The following CPM variants were observed in gnomAD, a reference collection of about 807,000 sequenced individuals.
CPM encodes carboxypeptidase M.
Under a neutral mutation model 46.4 loss-of-function variants are expected in CPM, and 35 were observed. The observed-to-expected ratio is 0.75, with a 90% confidence interval of 0.58 to 1.00. CPM has a LOEUF of 1.00. Ranked by LOEUF, CPM falls within the 50% of genes least tolerant of loss-of-function variation. CPM has a pLI of 0.00. For missense variants in CPM, 422 were observed against 530.4 expected, an observed-to-expected ratio of 0.80 and a Z score of 2.01; for synonymous variants, 195 against 195.3, an observed-to-expected ratio of 1.00 and a Z score of 0.01.
chr12:68,850,404 CTGTT>C (rs1335203143), downstream of CPM: 1 of 152,064 alleles, frequency 6.6e-6, no homozygotes, highest in Non-Finnish European at 1.5e-5. Context: ...AAACTATTTC[CTGTT>C]TATTTTCTAA....
intron 7 of CPM, among the ~76,000 whole-genome samples, chr12:68,860,250 A>G (rs1885150025): frequency 6.6e-6 from 1 of 151,996 alleles, no homozygotes; most frequent in Admixed American, 6.6e-5. Context: ...CCCTTTCTCT[A>G]TACAACTGTG....
chr12:68,963,002 CGTG>C (rs1565813126), intron 1 of CPM, among the ~76,000 whole-genome samples: 1 of 152,238 alleles, frequency 6.6e-6, no homozygotes, highest in African/African-American at 2.4e-5. Flanking sequence ...AAAACAAAGT[CGTG>C]GCCTGACCAC....
intron 2 of CPM, among the ~76,000 whole-genome samples, chr12:68,902,859 C>CT: frequency 6.6e-6 from 1 of 152,058 alleles, no homozygotes; most frequent in Non-Finnish European, 1.5e-5. Flanking sequence ...TGATGTTTAC[C>CT]TTTTTTAGAA....
chr12:68,914,080 G>C (rs1394243726), intron 2 of CPM: 3 of 600,480 alleles, frequency 5.0e-6, no homozygotes, highest in Non-Finnish European at 3.2e-6. Flanking sequence ...CTTGGAATCT[G>C]GGTAATTACA....
chr12:68,850,761 G>A (rs1884631694), downstream of CPM: 1 of 152,142 alleles, frequency 6.6e-6, no homozygotes, highest in Admixed American at 6.5e-5. Flanking sequence ...GATGGTACGA[G>A]GCTGTATTAT....
intron 3 of CPM, among the ~76,000 whole-genome samples, chr12:68,876,555 C>G (rs1565775766): frequency 6.6e-6 from 1 of 152,152 alleles, no homozygotes; most frequent in Non-Finnish European, 1.5e-5. Context: ...GCCCAGGCAG[C>G]CTTTCACCCA....
At position 68,853,285 on chromosome 12, in the gene CPM, A is replaced by ACTT. The variant is rs1353870095; in HGVS notation, c.*3149_*3151dup. ...TAGCAAATCAAGTTTCATCTTATAT[A>ACTT]CTTTTAATTTGTAATATACCAAAGT... On this transcript the variant is annotated 3_prime_UTR_variant, in exon 9 of 9. Transcript: ENST00000551568. 1 of 152,162 alleles carries ACTT rather than the reference A, an allele frequency of 6.6e-6. No homozygotes were observed. The highest frequency in any genetic ancestry group is 2.4e-5 in the African/African-American group (1 of 41,462). 9.4% of individuals were successfully genotyped at this position (152,162 alleles called of 1,614,324 possible). A position where few individuals can be genotyped will look rare whatever the true frequency, so the allele number is the denominator to read the frequency against.
chr12:68,906,131 T>C (rs989422896), intron 2 of CPM, among the ~76,000 whole-genome samples: 3 of 152,212 alleles, frequency 2.0e-5, no homozygotes, highest in Non-Finnish European at 4.4e-5. Context: ...CAAGTCATTC[T>C]TTTGCTCTAC....
chr12:68,870,069 G>T (rs1364999592), intron 5 of CPM, 146 bp downstream of exon 5: 3 of 754,652 alleles, frequency 4.0e-6, no homozygotes, highest in Non-Finnish European at 4.1e-6. Flanking sequence ...TCACAGGAAG[G>T]ATGGCTAGAG....
intron 2 of CPM, among the ~76,000 whole-genome samples, chr12:68,891,434 G>A (rs4913471): frequency 0.061 from 9,258 of 152,282 alleles, 386 homozygotes; most frequent in East Asian, 0.14. Flanking sequence ...AGGCATGGGC[G>A]AAGTTTCCAG....
rs1884961107 is a variant in CPM at position 68,856,192 on chromosome 12, T to TTGAG, written c.*241_*244dup. On this transcript the variant is annotated 3_prime_UTR_variant, in exon 9 of 9. Transcript: ENST00000551568. ...ATTTTAAGACTACTTCAAGATTAAT[T>TTGAG]TGAGTGTAAATGAGCAGTACTTGTT... 6.6e-6 allele frequency: 3 copies of TTGAG among 452,248 alleles called. No homozygotes were observed. The Admixed American group carries it at 1.1e-4, about 17-fold the overall frequency. The allele number at this position is 452,248 out of a possible 1,614,324, so 28.0% of individuals were successfully genotyped here. A position where few individuals can be genotyped will look rare whatever the true frequency, so the allele number is the denominator to read the frequency against.
chr12:68,872,256 T>G (rs1331680400), intron 3 of CPM, among the ~76,000 whole-genome samples: 1 of 148,492 alleles, frequency 6.7e-6, no homozygotes, highest in East Asian at 1.9e-4. Flanking sequence ...TGCTTCCTTT[T>G]TTTTTTTTTT....
In CPM at chr12:68,888,014, C is replaced by T. The variant is rs554730072; in HGVS notation, c.161-2125G>A. On this transcript the variant is annotated intron_variant, in intron 2 of 8. Transcript: ENST00000551568. Reference sequence around the variant, plus strand: ...TTTGTTGTCTGGAGCTTTACTTCTACAAAGTTACCATTTTCATATGAAACA... The same window carrying T: ...TTTGTTGTCTGGAGCTTTACTTCTATAAAGTTACCATTTTCATATGAAACA... Among the ~76,000 whole-genome samples, 9 of 152,302 alleles carry T rather than the reference C, an allele frequency of 5.9e-5. No homozygotes were observed. In the South Asian group the frequency reaches 1.9e-3, roughly 32 times the overall value.
At chr12:68,908,523 T>A (rs2136288169) in intron 2 of CPM, among the ~76,000 whole-genome samples, 1 of 152,256 alleles carries the variant, frequency 6.6e-6, no homozygotes, top group African/African-American at 2.4e-5. Context: ...CTTGGCTCTT[T>A]CTGCTTACCA....
rs1483347671 is a variant in CPM at position 68,870,216 on chromosome 12, T to G, written c.615A>C (p.Gln205His). 6.2e-7 allele frequency: 1 copy of G among 1,613,144 alleles called. No individual in the cohort carries two copies. Among genetic ancestry groups the G allele is most frequent in the East Asian group, 2.2e-5 (1 of 44,882 alleles). The change falls in exon 5 of 9, where the codon CAA (glutamine) becomes CAC (histidine). Residue 205 changes from glutamine to histidine, a missense_variant and splice_region_variant. Coordinates refer to ENST00000551568, the MANE Select transcript of CPM (RefSeq NM_198320.5). Reference sequence around the variant, plus strand: ...AGAACTGGACCCGCACCTGCTTACCTTGAACACCATTATCAAATGGGTAAC... The same window carrying G: ...AGAACTGGACCCGCACCTGCTTACCGTGAACACCATTATCAAATGGGTAAC... ...VASYPFDNGVQATGALYSRSL... is the reference protein window; with the variant it reads ...VASYPFDNGVHATGALYSRSL...
intron 6 of CPM, among the ~76,000 whole-genome samples, chr12:68,867,677 C>T (rs10878874): frequency 0.48 from 72,398 of 151,964 alleles, 17,960 homozygotes; most frequent in Admixed American, 0.55. Flanking sequence ...TCCGCCAGCA[C>T]CTGTGGGCTT....
chr12:68,940,687 T>C lies in CPM; in HGVS notation c.-3-7847A>G, dbSNP rs138336099. Among the ~76,000 whole-genome samples the C allele has an allele frequency of 4.1e-3, 623 of 151,556 alleles. 3 individuals carry two copies. Among genetic ancestry groups the C allele is most frequent in the African/African-American group, 0.014 (592 of 41,260 alleles). On this transcript the variant is annotated intron_variant, in intron 1 of 8. Coordinates refer to the CPM transcript ENST00000546373. ...CGTTTGAGTAGGACCACCATCCAAA[T>C]GAGAAGGGCACTGAGACTTTTAGCA... is the stretch of plus-strand genomic sequence containing the variant.
intron 7 of CPM, among the ~76,000 whole-genome samples, chr12:68,866,384 A>G (rs761021939): frequency 6.6e-6 from 1 of 152,132 alleles, no homozygotes; most frequent in Non-Finnish European, 1.5e-5. Flanking sequence ...CCCAGTCTGG[A>G]GTACATTGGC....
chr12:68,870,565 A>T (rs1052538381), intron 4 of CPM, among the ~76,000 whole-genome samples, 166 bp from the exon 5 acceptor site: 11 of 152,234 alleles, frequency 7.2e-5, no homozygotes, highest in African/African-American at 2.7e-4. Flanking sequence ...TGGCACTTAC[A>T]TCCCATGGCA....
Sources: allele counts gnomAD v4.1 joint callset (sites outside exome capture counted in the v4.1 genomes callset), GRCh38; gene constraint gnomAD v4.1.1; transcripts MANE v1.5; gene names NCBI Gene and HGNC (gene_info 2026-07-23, HGNC 2026-07-21).